PRKCZ: variants seen among roughly 807,000 people sequenced by gnomAD.
PRKCZ encodes the protein protein kinase C zeta.
PRKCZ carries 33 observed loss-of-function variants against 79.5 expected under a neutral mutation model. The observed-to-expected ratio is 0.41, with a 90% CI of 0.31 to 0.55. The LOEUF is 0.55. PRKCZ is among the 20% of genes least tolerant of loss of function. The pLI, the probability that PRKCZ is intolerant of heterozygous loss-of-function variation, is 0.19. For missense variants in PRKCZ, 578 were observed against 813.5 expected (o/e 0.71, Z 3.52); for synonymous variants, 342 against 320.9 (o/e 1.07, Z -0.70).
intron 1 of PRKCZ, 187 bp downstream of exon 1, chr1:2,050,888 C>G: frequency 2.5e-6 from 1 of 394,230 alleles, no homozygotes; most frequent in Non-Finnish European, 4.4e-6. Flanking sequence ...TCGTGGACAG[C>G]GCGGGCTCCT....
At chr1:2,069,049 G>GT (rs1557489099) in intron 4 of PRKCZ, among the ~76,000 whole-genome samples, 1 of 152,190 alleles carries the variant, frequency 6.6e-6, no homozygotes, top group African/African-American at 2.4e-5. Context: ...ACGTGGCCTG[G>GT]TTCCTGCTGG....
At position 2,148,890 on chromosome 1, in the gene PRKCZ, C is replaced by G. The variant is rs371023344; in HGVS notation, c.653C>G (p.Ser218Cys). 5.6e-5 allele frequency: 91 copies of G among 1,613,870 alleles called. 1 individual carries two copies. In the African/African-American group the frequency reaches 1.0e-3, roughly 18 times the overall value. The change falls in exon 8 of 18, where the codon TCC becomes TGC. Residue 218 changes from serine (S) to cysteine (C), a missense_variant. This residue lies in a region of PRKCZ where 91 missense variants were observed against 97.5 expected (regional missense o/e 0.93). Transcript: ENST00000378567. ...TCACCAGTTGCTTACATTTCCTCAT[C>G]CCGGAAGCATGACAGCATTAAAGAC... The part of the protein sequence containing the change: ...ETDGIAYISS[S>C]RKHDSIKDDS...
At chr1:2,169,257 A>G (rs1344202916) in intron 10 of PRKCZ, 1 of 523,036 alleles carries the variant, frequency 1.9e-6, no homozygotes, top group Non-Finnish European at 3.7e-6. Context: ...CACACTTCCC[A>G]AGTCCACACA....
At chr1:2,171,147 G>A (rs1247251845) in intron 11 of PRKCZ, among the ~76,000 whole-genome samples, 7 of 151,940 alleles carry the variant, frequency 4.6e-5, no homozygotes, top group Middle Eastern at 3.4e-3. Flanking sequence ...TGGCTAACAC[G>A]GTGAAATAAC....
In PRKCZ at chr1:2,138,421, G is replaced by T. The variant is rs555958837; in HGVS notation, c.420+3074G>T. 1.2e-4 allele frequency among the ~76,000 whole-genome samples: 19 copies of T among 152,298 alleles called. 1 individual carries two copies. The South Asian group carries it at 3.3e-3, about 27-fold the overall frequency. ...AGGAGGGGCTGCCTCCTCCATGAAG[G>T]ATGGTGCCGGGGGTGGCAGGGAAGC... On this transcript the variant is annotated intron_variant, in intron 5 of 17. Coordinates refer to ENST00000378567, the MANE Select transcript of PRKCZ (RefSeq NM_002744.6).
chr1:2,181,522 A>T (rs1326484384), intron 16 of PRKCZ, among the ~76,000 whole-genome samples: 1 of 152,192 alleles, frequency 6.6e-6, no homozygotes, highest in Non-Finnish European at 1.5e-5. Flanking sequence ...CGGCGGTGGG[A>T]AAAGGTGTCA....
intron 16 of PRKCZ, chr1:2,184,195 C>T (rs151140069): frequency 4.7e-4 from 94 of 201,748 alleles, no homozygotes; most frequent in African/African-American, 2.0e-3. Flanking sequence ...AGGCAGGGTG[C>T]TGTGGCCAGG....
In PRKCZ at chr1:2,172,504, CTG is replaced by C; in HGVS notation, c.1285+118_1285+119del. The C allele has an allele frequency of 8.7e-7, 1 of 1,145,178 alleles. No homozygotes were observed. Among genetic ancestry groups the C allele is most frequent in the Non-Finnish European group, 1.2e-6 (1 of 827,190 alleles). The allele number at this position is 1,145,178 out of a possible 1,614,324, so 70.9% of individuals were successfully genotyped here. On this transcript the variant is annotated intron_variant, in intron 13 of 17. Transcript: ENST00000378567. This position sits in a 1 kb window ranked among gnomAD's most constrained non-coding sequence, Gnocchi z 7.8. Reference sequence around the variant, plus strand: ...CCATCTTACACCCAAAAGCCACACACTGTCTTTCCCAGCCGGATGTCATCATC... The same window carrying C: ...CCATCTTACACCCAAAAGCCACACACTCTTTCCCAGCCGGATGTCATCATC...
rs1014600778 is a variant in PRKCZ, at chr1:2,174,268, C to A, written c.1405+252C>A. On this transcript the variant is annotated intron_variant, in intron 14 of 17. Coordinates refer to ENST00000378567, the MANE Select transcript of PRKCZ (RefSeq NM_002744.6). The surrounding 1 kb of genome is among the most constrained non-coding windows in gnomAD (Gnocchi z 6.2). Reference sequence around the variant, plus strand: ...CAGCTCCAACTCCCTCCTGCCCTGGCCAGCAGCACATGCTGGAGCCCCAGC... The same window carrying A: ...CAGCTCCAACTCCCTCCTGCCCTGGACAGCAGCACATGCTGGAGCCCCAGC... 6.6e-6 allele frequency among the ~76,000 whole-genome samples: 1 copy of A among 152,200 alleles called. No individual in the cohort carries two copies. Among genetic ancestry groups the A allele is most frequent in the South Asian group, 2.1e-4 (1 of 4,832 alleles).
chr1:2,180,468 C>CCAGACGACGCGGACGCA lies in PRKCZ; in HGVS notation c.1576-4093_1576-4077dup, dbSNP rs1197655599. On this transcript the variant is annotated intron_variant, in intron 16 of 17. Coordinates refer to ENST00000378567, the MANE Select transcript of PRKCZ (RefSeq NM_002744.6). ...ACAGATGACTCAGATGCACGGACAC[C>CCAGACGACGCGGACGCA]CAGACGACGCGGACGCACAGACGAC... 2.8e-3 allele frequency among the ~76,000 whole-genome samples: 424 copies of CCAGACGACGCGGACGCA among 151,464 alleles called. 2 individuals are homozygous for CCAGACGACGCGGACGCA. Among genetic ancestry groups the CCAGACGACGCGGACGCA allele is most frequent in the African/African-American group, 9.5e-3 (390 of 41,176 alleles).
intron 4 of PRKCZ, chr1:2,098,466 T>C (rs953197759): frequency 1.3e-5 from 2 of 152,220 alleles, no homozygotes; most frequent in Non-Finnish European, 2.9e-5. Flanking sequence ...CTGGCTTCTC[T>C]AAGGCCTGTC....
Position 2,094,363 on chromosome 1 carries a change from G to A in PRKCZ, c.334+34772G>A, listed in dbSNP as rs1004861049. 2.6e-5 allele frequency among the ~76,000 whole-genome samples: 4 copies of A among 152,092 alleles called. No homozygotes were observed. Among genetic ancestry groups the A allele is most frequent in the African/African-American group, 4.8e-5 (2 of 41,410 alleles). On this transcript the variant is annotated intron_variant, in intron 4 of 17. Transcript: ENST00000378567. The surrounding 1 kb of genome is among the most constrained non-coding windows in gnomAD (Gnocchi z 7.3). ...GTGGCGGAGGCAGTGGCCCCGGCTC[G>A]TTGAACCTTGGGCACTGCCCATTCT...
chr1:2,056,060 C>T lies in PRKCZ; in HGVS notation c.194-424C>T, dbSNP rs368559939. 1.0e-3 allele frequency among the ~76,000 whole-genome samples: 153 copies of T among 152,348 alleles called. 1 individual carries two copies. The highest frequency in any genetic ancestry group is 3.5e-3 in the African/African-American group (146 of 41,580). On this transcript the variant is annotated intron_variant, in intron 2 of 17. Coordinates refer to ENST00000378567, the MANE Select transcript of PRKCZ (RefSeq NM_002744.6). The stretch of plus-strand genomic sequence containing the variant: ...GGCGGGCAGCTCTTGGCCAAGGACA[C>T]GGCCGTGCGGGTGGAGCCTGATAGC...
intron 3 of PRKCZ, among the ~76,000 whole-genome samples, chr1:2,058,306 A>G (rs569511525): frequency 1.8e-3 from 226 of 125,366 alleles, no homozygotes; most frequent in African/African-American, 7.0e-3. Flanking sequence ...CCCGGCCCCA[A>G]TTTTTTTTTT....
At chr1:2,116,145 T>C (rs3107146) in intron 4 of PRKCZ, 138,789 of 152,346 alleles carry the variant, frequency 0.91, 63,308 homozygotes, top group African/African-American at 0.94. Context: ...GGCTGCGCGC[T>C]GGGAAACTGA....
chr1:2,180,510 C>T (rs1363309074), intron 16 of PRKCZ, among the ~76,000 whole-genome samples: 2 of 150,404 alleles, frequency 1.3e-5, no homozygotes, highest in South Asian at 2.1e-4. Context: ...GCACAGATGA[C>T]GTGGACGCAC....
rs147095363 is a variant in PRKCZ at position 2,104,790 on chromosome 1, G to A, written c.335-30472G>A. On this transcript the variant is annotated intron_variant, in intron 4 of 17. Coordinates refer to ENST00000378567, the MANE Select transcript of PRKCZ (RefSeq NM_002744.6). ...GGGCTCACTGCTGCCCCCCGGGGCC[G>A]AGCACGAAAGGGAGAGTTGGAGGGC... is the stretch of plus-strand genomic sequence containing the variant. The A allele has an allele frequency of 1.6e-3, 1,625 of 985,898 alleles. 25 individuals are homozygous for A. The African/African-American group carries it at 0.025, about 15-fold the overall frequency. The allele number at this position is 985,898 out of a possible 1,614,324, so 61.1% of individuals were successfully genotyped here.
chr1:2,124,573 G>C (rs189695873), intron 4 of PRKCZ, among the ~76,000 whole-genome samples: 11 of 152,272 alleles, frequency 7.2e-5, no homozygotes, highest in African/African-American at 2.6e-4. Flanking sequence ...CCGCCCTGCA[G>C]GTTCCGTCAT....
At chr1:2,180,383 G>C (rs958266291) in intron 16 of PRKCZ, among the ~76,000 whole-genome samples, 1 of 151,520 alleles carries the variant, frequency 6.6e-6, no homozygotes, top group African/African-American at 2.4e-5. Flanking sequence ...ACGCACAGAC[G>C]ACATGGACGC....
Sources: gnomAD v4.1 joint callset for allele counts (sites outside exome capture counted in the v4.1 genomes callset) on GRCh38, gnomAD v4.1.1 for gene constraint, gnomAD v4.1.1 regional missense constraint, Gnocchi (gnomAD v3.1) non-coding constraint, MANE v1.5 for transcripts, NCBI Gene and HGNC (gene_info 2026-07-23, HGNC 2026-07-21) for gene names.